Variants in MBNL1 observed in about 807,000 individuals in gnomAD.
The protein encoded by MBNL1 is muscleblind-like protein 1.
A neutral mutation model predicts 42.2 loss-of-function variants in MBNL1; 8 were observed. The ratio of observed to expected loss-of-function variants is 0.19; its 90% confidence interval spans 0.11 to 0.34. MBNL1 has a LOEUF of 0.34. Ranked by LOEUF, MBNL1 falls within the 10% of genes least tolerant of loss-of-function variation. The pLI is 1.00. For missense variants in MBNL1, 309 were observed against 495.3 expected (o/e 0.62, Z 3.57); for synonymous variants, 169 against 173.9 (o/e 0.97, Z 0.22).
At position 152,465,283 on chromosome 3, in the gene MBNL1, C is replaced by G. The variant is rs1749944984; in HGVS notation, c.*2917C>G. ...GCCAATTTCAGTGGTTTATTGTTCA[C>G]AAAAAAATCTTCAAAACAAGTATTG... On this transcript the variant is annotated 3_prime_UTR_variant, in exon 10 of 10. Coordinates refer to ENST00000324210, the MANE Select transcript of MBNL1 (RefSeq NM_021038.5). The G allele has an allele frequency of 6.6e-6, 1 of 152,094 alleles. No homozygotes were observed. Among genetic ancestry groups the G allele is most frequent in the Non-Finnish European group, 1.5e-5 (1 of 67,986 alleles). 9.4% of individuals were successfully genotyped at this position (152,094 alleles called of 1,614,324 possible). A position where few individuals can be genotyped will look rare whatever the true frequency, so the allele number is the denominator to read the frequency against.
chr3:152,275,429 G>C (rs1488617402), intron 1 of MBNL1, among the ~76,000 whole-genome samples: 4 of 152,114 alleles, frequency 2.6e-5, no homozygotes, highest in Non-Finnish European at 5.9e-5. Context: ...TCTAATGTTT[G>C]GCTGTGTGCA....
At chr3:152,270,027 A>G (rs1457123786) in intron 1 of MBNL1, among the ~76,000 whole-genome samples, 1 of 150,478 alleles carries the variant, frequency 6.6e-6, no homozygotes, top group Non-Finnish European at 1.5e-5. Flanking sequence ...GGTGGCGCTT[A>G]TGCCTTCCCC....
At chr3:152,295,053 A>G (rs977892355) in intron 1 of MBNL1, among the ~76,000 whole-genome samples, 1 of 152,212 alleles carries the variant, frequency 6.6e-6, no homozygotes, top group Admixed American at 6.5e-5. Context: ...AGCTAGACTA[A>G]TGCATAATGG....
chr3:152,394,713 A>G (rs1440796274), intron 2 of MBNL1, among the ~76,000 whole-genome samples: 1 of 152,258 alleles, frequency 6.6e-6, no homozygotes, highest in Non-Finnish European at 1.5e-5. Context: ...AATTACAGGC[A>G]TGACAAGTAC....
chr3:152,438,594 A>T (rs1347366), intron 4 of MBNL1, among the ~76,000 whole-genome samples: 53,176 of 152,086 alleles, frequency 0.35, 9,495 homozygotes, highest in Middle Eastern at 0.42. Flanking sequence ...TTAGAATCAC[A>T]TGGGGTGATT....
chr3:152,450,605 C>T (rs746735682), intron 6 of MBNL1, among the ~76,000 whole-genome samples: 4 of 152,196 alleles, frequency 2.6e-5, no homozygotes, highest in Non-Finnish European at 1.5e-5. Context: ...TTTGTTGCCT[C>T]AGAGGATTGT....
At chr3:152,323,433 T>TA (rs1421801115) in intron 2 of MBNL1, among the ~76,000 whole-genome samples, 2 of 152,012 alleles carry the variant, frequency 1.3e-5, no homozygotes, top group African/African-American at 4.8e-5. Context: ...GTAAATAATT[T>TA]AAAAAATATA....
chr3:152,357,003 C>G (rs2095573736), intron 2 of MBNL1, among the ~76,000 whole-genome samples: 1 of 151,904 alleles, frequency 6.6e-6, no homozygotes, highest in South Asian at 2.1e-4. Flanking sequence ...ATGAGTAGAC[C>G]TGATTTTAAA....
intron 2 of MBNL1, among the ~76,000 whole-genome samples, chr3:152,375,601 T>TA (rs1408595620): frequency 6.6e-6 from 1 of 152,102 alleles, no homozygotes; most frequent in Admixed American, 6.6e-5. Flanking sequence ...ACATGTTTGG[T>TA]AAAAATTCAG....
intron 1 of MBNL1, among the ~76,000 whole-genome samples, chr3:152,274,857 T>C (rs1443276924): frequency 6.6e-6 from 1 of 152,182 alleles, no homozygotes; most frequent in Non-Finnish European, 1.5e-5. Context: ...AAACTGTTGG[T>C]ACTACAGTTT....
intron 2 of MBNL1, among the ~76,000 whole-genome samples, chr3:152,357,136 A>G (rs2095585684): frequency 6.6e-6 from 1 of 152,144 alleles, no homozygotes. Context: ...TGCTGGGAGA[A>G]TAAGAATAGA....
At chr3:152,407,644 A>C (rs1560475300) in intron 2 of MBNL1, among the ~76,000 whole-genome samples, 1 of 152,212 alleles carries the variant, frequency 6.6e-6, no homozygotes, top group Non-Finnish European at 1.5e-5. Flanking sequence ...TTACTTATTT[A>C]GGTTAAAGAG....
intron 1 of MBNL1, among the ~76,000 whole-genome samples, chr3:152,284,864 T>A (rs972667718): frequency 1.3e-5 from 2 of 152,124 alleles, no homozygotes; most frequent in African/African-American, 2.4e-5. Context: ...TGAATAAATT[T>A]AAAAAAATCA....
chr3:152,392,925 G>A (rs1398273951), intron 2 of MBNL1, among the ~76,000 whole-genome samples: 1 of 152,140 alleles, frequency 6.6e-6, no homozygotes. Flanking sequence ...AAACATGCTT[G>A]TACAGATGGC....
At chr3:152,352,358 TAG>T (rs2095102571) in intron 2 of MBNL1, among the ~76,000 whole-genome samples, 1 of 152,166 alleles carries the variant, frequency 6.6e-6, no homozygotes, top group Admixed American at 6.5e-5. Flanking sequence ...TGTTTTCTTC[TAG>T]AGAGTCCCAG....
At chr3:152,296,460 C>T (rs1205187984) in intron 1 of MBNL1, among the ~76,000 whole-genome samples, 1 of 152,102 alleles carries the variant, frequency 6.6e-6, no homozygotes, top group Non-Finnish European at 1.5e-5. Context: ...AGAAAAAGTT[C>T]ATGCTTAAGG....
intron 2 of MBNL1, among the ~76,000 whole-genome samples, chr3:152,247,931 T>C (rs2033523551): frequency 6.6e-6 from 1 of 151,960 alleles, no homozygotes; most frequent in Non-Finnish European, 1.5e-5. Flanking sequence ...TGTTGCTCCA[T>C]GAACCAGTAT....
intron 2 of MBNL1, among the ~76,000 whole-genome samples, chr3:152,312,008 G>C (rs1165957161): frequency 6.6e-6 from 1 of 151,600 alleles, no homozygotes; most frequent in African/African-American, 2.4e-5. Context: ...GGCTAAAAAC[G>C]GTGAAACCCC....
chr3:152,384,036 T>G (rs145256461), intron 2 of MBNL1, among the ~76,000 whole-genome samples: 407 of 152,230 alleles, frequency 2.7e-3, no homozygotes, highest in African/African-American at 9.5e-3. Flanking sequence ...ATTTGGGTAA[T>G]GAAGTAACAA....
Sources: gnomAD v4.1 joint callset for allele counts (sites outside exome capture counted in the v4.1 genomes callset) on GRCh38, gnomAD v4.1.1 for gene constraint, MANE v1.5 for transcripts, NCBI Gene and HGNC (gene_info 2026-07-23, HGNC 2026-07-21) for gene names.